DOCK9: variants seen among roughly 807,000 people sequenced by gnomAD.
DOCK9 encodes the protein dedicator of cytokinesis 9.
A neutral mutation model predicts 263.3 loss-of-function variants in DOCK9; 89 were observed. The observed-to-expected ratio is 0.34, with a 90% CI of 0.28 to 0.40. The LOEUF (loss-of-function observed/expected upper bound fraction) is 0.40. Ranked by LOEUF, DOCK9 falls within the 10% of genes least tolerant of loss-of-function variation. DOCK9 has a pLI of 1.00. For missense variants in DOCK9, 2,140 were observed against 2,603.4 expected (o/e 0.82, Z 3.87); for synonymous variants, 976 against 973.1 (o/e 1.00, Z -0.06).
Position 98,910,031 on chromosome 13 carries a change from T to A in DOCK9, c.960+4297A>T, listed in dbSNP as rs138731294. On this transcript the variant is annotated intron_variant, in intron 9 of 52. Coordinates refer to ENST00000682017, the MANE Select transcript of DOCK9 (RefSeq NM_001366683.2). ...TCAGAACCACATGGGGAAACCAAAG[T>A]AAAAGTTGGATGCTATTCTTTGAGT... Among the ~76,000 whole-genome samples, 582 of 152,216 alleles carry A rather than the reference T, an allele frequency of 3.8e-3. 6 individuals carry two copies. The highest frequency in any genetic ancestry group is 0.013 in the African/African-American group (560 of 41,538).
chr13:98,912,681 G>A (rs942099762), intron 9 of DOCK9, among the ~76,000 whole-genome samples: 2 of 151,956 alleles, frequency 1.3e-5, no homozygotes, highest in African/African-American at 4.8e-5. Context: ...ATATTGGCTG[G>A]GTAGTAAGAG....
intron 1 of DOCK9, among the ~76,000 whole-genome samples, chr13:99,074,474 G>C (rs1362397176): frequency 6.6e-6 from 1 of 152,224 alleles, no homozygotes; most frequent in African/African-American, 2.4e-5. Flanking sequence ...GGAGCAGTCT[G>C]AGCTATGTGA....
At chr13:99,034,994 TCA>T (rs1244182756) in intron 1 of DOCK9, among the ~76,000 whole-genome samples, 1 of 151,882 alleles carries the variant, frequency 6.6e-6, no homozygotes, top group Admixed American at 6.6e-5. Flanking sequence ...TCCAAAACTT[TCA>T]CAGTCACCTA....
intron 3 of DOCK9, among the ~76,000 whole-genome samples, chr13:98,928,020 C>CA (rs200359597): frequency 8.1e-3 from 383 of 47,396 alleles, no homozygotes; most frequent in Middle Eastern, 0.013. Flanking sequence ...AAAAAAAAAA[C>CA]AAAAAAAAAC....
At chr13:98,883,435 C>A (rs527480050) in intron 22 of DOCK9, among the ~76,000 whole-genome samples, 1 of 152,262 alleles carries the variant, frequency 6.6e-6, no homozygotes, top group South Asian at 2.1e-4. Flanking sequence ...TTTGTAGAGA[C>A]AAGGTTTTGC....
At chr13:98,809,284 T>C in intron 47 of DOCK9, 68 bp downstream of exon 47, 1 of 1,166,312 alleles carries the variant, frequency 8.6e-7, no homozygotes, top group Non-Finnish European at 1.2e-6. Flanking sequence ...TATAGTTTTT[T>C]TTTTGTTTTT....
chr13:98,890,410 T>C (rs1595024942), intron 15 of DOCK9, among the ~76,000 whole-genome samples: 3 of 152,290 alleles, frequency 2.0e-5, no homozygotes, highest in Middle Eastern at 6.8e-3. Flanking sequence ...CCACACGTGG[T>C]AAATACATTC....
intron 38 of DOCK9, among the ~76,000 whole-genome samples, chr13:98,839,779 C>A (rs1464115043): frequency 6.6e-6 from 1 of 152,168 alleles, no homozygotes; most frequent in African/African-American, 2.4e-5. Context: ...TAAAACATAC[C>A]ATCAATGGAC....
At chr13:98,946,437 TG>T (rs1394848213) in intron 2 of DOCK9, among the ~76,000 whole-genome samples, 1 of 152,110 alleles carries the variant, frequency 6.6e-6, no homozygotes, top group East Asian at 1.9e-4. Flanking sequence ...AAGCTCCCCC[TG>T]CCCCAGGCCA....
chr13:99,026,539 T>C (rs1886748181), intron 1 of DOCK9, among the ~76,000 whole-genome samples: 1 of 152,226 alleles, frequency 6.6e-6, no homozygotes, highest in Admixed American at 6.5e-5. Flanking sequence ...TAAAGAGCAC[T>C]TAAGGGAAAT....
intron 1 of DOCK9, among the ~76,000 whole-genome samples, chr13:99,061,945 C>T (rs184036555): frequency 6.6e-6 from 1 of 152,044 alleles, no homozygotes; most frequent in African/African-American, 2.4e-5. Context: ...CATCACAGCT[C>T]ACCGCAGCCT....
chr13:99,082,533 TAATAAATA>T (rs377382167), intron 1 of DOCK9, among the ~76,000 whole-genome samples: 2,354 of 101,552 alleles, frequency 0.023, 26 homozygotes, highest in Non-Finnish European at 0.035. Context: ...AAAATAATAA[TAATAAATA>T]AATAAATAAA....
intron 45 of DOCK9, among the ~76,000 whole-genome samples, chr13:98,817,774 T>TAAA (rs34195275): frequency 7.8e-5 from 9 of 115,368 alleles, no homozygotes; most frequent in African/African-American, 2.6e-4. Flanking sequence ...TTATATTTGC[T>TAAA]AAAAAAAAAA....
intron 38 of DOCK9, among the ~76,000 whole-genome samples, chr13:98,838,422 T>C (rs1427733402): frequency 6.6e-6 from 1 of 152,226 alleles, no homozygotes; most frequent in Admixed American, 6.5e-5. Flanking sequence ...AGCTCGTGAA[T>C]GATAATCAAG....
chr13:98,950,797 T>C (rs1268916943), intron 2 of DOCK9, among the ~76,000 whole-genome samples: 1 of 152,204 alleles, frequency 6.6e-6, no homozygotes, highest in Non-Finnish European at 1.5e-5. Context: ...CAAGTCAGGA[T>C]ACAAGGAGCT....
At chr13:99,040,628 C>G (rs1007971513) in intron 1 of DOCK9, among the ~76,000 whole-genome samples, 1 of 152,158 alleles carries the variant, frequency 6.6e-6, no homozygotes, top group African/African-American at 2.4e-5. Context: ...AAATGTCATT[C>G]ACCAAACATT....
intron 27 of DOCK9, among the ~76,000 whole-genome samples, chr13:98,879,590 C>A (rs2044420795): frequency 6.6e-6 from 1 of 152,124 alleles, no homozygotes; most frequent in African/African-American, 2.4e-5. Context: ...AGGTTAATAA[C>A]CAAGTGATTC....
chr13:98,819,081 T>G (rs1271157542), intron 45 of DOCK9, among the ~76,000 whole-genome samples: 1 of 152,198 alleles, frequency 6.6e-6, no homozygotes, highest in East Asian at 1.9e-4. Flanking sequence ...TACTATATCA[T>G]CATTTCCCAA....
At chr13:99,014,027 C>A (rs1356153967) in intron 1 of DOCK9, among the ~76,000 whole-genome samples, 2 of 152,224 alleles carry the variant, frequency 1.3e-5, no homozygotes, top group Non-Finnish European at 2.9e-5. Context: ...CGACAGGATG[C>A]ATGACAGCAG....
Sources: gnomAD v4.1 joint callset for allele counts (sites outside exome capture counted in the v4.1 genomes callset) on GRCh38, gnomAD v4.1.1 for gene constraint, MANE v1.5 for transcripts, NCBI Gene and HGNC (gene_info 2026-07-23, HGNC 2026-07-21) for gene names.